The following PDE1C variants were observed in gnomAD, a reference collection of about 807,000 sequenced individuals.
The protein encoded by PDE1C is dual specificity calcium/calmodulin-dependent 3',5'-cyclic nucleotide phosphodiesterase 1C.
Under a neutral mutation model 93.1 loss-of-function variants are expected in PDE1C, and 62 were observed. The ratio of observed to expected loss-of-function variants is 0.67; its 90% CI spans 0.54 to 0.82. The LOEUF is 0.82. Ranked by LOEUF, PDE1C falls within the 40% of genes least tolerant of loss-of-function variation. PDE1C has a pLI of 0.00. For synonymous variants in PDE1C, 325 were observed against 310.1 expected (o/e 1.05, Z -0.50); for missense variants, 742 against 884.6 (o/e 0.84, Z 2.04).
At chr7:31,643,385 G>A in the PDE1C span, 2 of 1,613,976 alleles carry the variant, frequency 1.2e-6, no homozygotes, top group Non-Finnish European at 1.7e-6. Context: ...AAACTGCCTG[G>A]AGATCCTGCC....
chr7:32,306,363 C>T (rs1341682166), intron 1 of PDE1C, among the ~76,000 whole-genome samples: 2 of 152,196 alleles, frequency 1.3e-5, no homozygotes, highest in Admixed American at 6.5e-5. Context: ...TACTGCTCCA[C>T]AACCAAATTG....
chr7:31,648,239 T>C, the PDE1C span, among the ~76,000 whole-genome samples: 1 of 152,146 alleles, frequency 6.6e-6, no homozygotes, highest in Non-Finnish European at 1.5e-5. Context: ...CTCTTACCAT[T>C]GAAGTTAAAG....
intron 1 of PDE1C, among the ~76,000 whole-genome samples, chr7:32,296,095 T>C (rs1812597178): frequency 6.6e-6 from 1 of 152,214 alleles, no homozygotes; most frequent in South Asian, 2.1e-4. Context: ...GATTTCATTT[T>C]GTAAAAACAA....
intron 2 of PDE1C, among the ~76,000 whole-genome samples, chr7:31,909,473 G>A (rs1304315686): frequency 3.9e-5 from 6 of 152,038 alleles, no homozygotes; most frequent in African/African-American, 2.4e-5. Context: ...TGCAATGATC[G>A]GGACGCACAG....
At chr7:31,830,810 A>G (rs1790286644) in intron 11 of PDE1C, among the ~76,000 whole-genome samples, 1 of 152,174 alleles carries the variant, frequency 6.6e-6, no homozygotes, top group Non-Finnish European at 1.5e-5. Flanking sequence ...GGTTTGATGT[A>G]GACAAGCACT....
intron 2 of PDE1C, among the ~76,000 whole-genome samples, chr7:31,980,939 T>A (rs1045071757): frequency 6.6e-6 from 1 of 152,150 alleles, no homozygotes; most frequent in Non-Finnish European, 1.5e-5. Flanking sequence ...ACCCAGATGA[T>A]CCAGGATGAC....
At chr7:31,623,582 T>G in the PDE1C span, among the ~76,000 whole-genome samples, 1 of 150,788 alleles carries the variant, frequency 6.6e-6, no homozygotes, top group African/African-American at 2.4e-5. Flanking sequence ...TCTCAATAAA[T>G]TAGGTATTGA....
At chr7:32,204,868 G>A (rs1317999128) in intron 2 of PDE1C, among the ~76,000 whole-genome samples, 1 of 152,146 alleles carries the variant, frequency 6.6e-6, no homozygotes, top group Admixed American at 6.5e-5. Flanking sequence ...CCTTCCACAT[G>A]CTGTATTGTA....
At chr7:32,177,919 G>A (rs892699082) in intron 2 of PDE1C, among the ~76,000 whole-genome samples, 2 of 152,192 alleles carry the variant, frequency 1.3e-5, no homozygotes, top group African/African-American at 4.8e-5. Context: ...CACAGAGAAG[G>A]TGGGGAGCAT....
intron 2 of PDE1C, among the ~76,000 whole-genome samples, chr7:31,959,631 T>G (rs75817663): frequency 6.6e-6 from 1 of 152,182 alleles, no homozygotes; most frequent in East Asian, 1.9e-4. Flanking sequence ...AATATTCATA[T>G]TGTTTGAGGA....
At chr7:31,887,934 G>GC (rs1212370717) in intron 2 of PDE1C, among the ~76,000 whole-genome samples, 1 of 152,128 alleles carries the variant, frequency 6.6e-6, no homozygotes, top group African/African-American at 2.4e-5. Flanking sequence ...TGCAGCTAAA[G>GC]CAGTGTTTAG....
intron 16 of PDE1C, among the ~76,000 whole-genome samples, chr7:31,791,269 A>C (rs1784565848): frequency 6.6e-6 from 1 of 152,018 alleles, no homozygotes; most frequent in South Asian, 2.1e-4. Flanking sequence ...CTCTAACTTT[A>C]TTATGTTCTT....
Position 32,239,186 on chromosome 7 carries a change from G to A in PDE1C, c.86-29647C>T, listed in dbSNP as rs144481457. On this transcript the variant is annotated intron_variant, in intron 1 of 18. Transcript: ENST00000396193. ...GTTGAGTCTGCAGTGAGTCATGATT[G>A]TGCCACTGCACTCTAATATGGGTGA... 5.9e-3 allele frequency among the ~76,000 whole-genome samples: 895 copies of A among 152,214 alleles called. 5 individuals carry two copies. Among genetic ancestry groups the A allele is most frequent in the Non-Finnish European group, 9.0e-3 (609 of 68,024 alleles).
At chr7:32,186,564 C>T (rs577553800) in intron 2 of PDE1C, among the ~76,000 whole-genome samples, 46 of 152,146 alleles carry the variant, frequency 3.0e-4, no homozygotes, top group Admixed American at 4.6e-4. Flanking sequence ...GTGGTGGTGT[C>T]GCTTAAACTT....
the PDE1C span, among the ~76,000 whole-genome samples, chr7:31,698,128 C>T: frequency 6.6e-6 from 1 of 152,298 alleles, no homozygotes; most frequent in African/African-American, 2.4e-5. Context: ...ATTATAGGAA[C>T]AGAAGAAACA....
intron 2 of PDE1C, among the ~76,000 whole-genome samples, chr7:31,944,823 G>A (rs1158615286): frequency 6.6e-6 from 1 of 152,060 alleles, no homozygotes; most frequent in African/African-American, 2.4e-5. Flanking sequence ...AAACCGTAAT[G>A]ATTAAATAAT....
Position 31,909,377 on chromosome 7 carries a change from C to T in PDE1C, c.129-28517G>A, listed in dbSNP as rs17160682. ...ACATACTTAATAGGTGCTTGACAAA[C>T]GCCTAACAAGTGAATGAATGAGGGA... On this transcript the variant is annotated intron_variant, in intron 2 of 17. Coordinates refer to ENST00000396191, the MANE Select transcript of PDE1C (RefSeq NM_001191057.4). Among the ~76,000 whole-genome samples the T allele has an allele frequency of 4.0e-3, 613 of 152,222 alleles. 14 individuals carry two copies. In the East Asian group the frequency reaches 0.08, roughly 20 times the overall value.
chr7:31,885,864 A>C (rs538098802), intron 2 of PDE1C, among the ~76,000 whole-genome samples: 1 of 152,350 alleles, frequency 6.6e-6, no homozygotes, highest in Admixed American at 6.5e-5. Context: ...TATGCCTTGA[A>C]AACATATACA....
chr7:31,719,144 ATTTC>A, the PDE1C span, among the ~76,000 whole-genome samples: 1 of 152,198 alleles, frequency 6.6e-6, no homozygotes, highest in Non-Finnish European at 1.5e-5. Context: ...CCCTTCCAAT[ATTTC>A]TTTAACAACC....
Sources: gnomAD v4.1 joint callset for allele counts (sites outside exome capture counted in the v4.1 genomes callset) on GRCh38, gnomAD v4.1.1 for gene constraint, MANE v1.5 for transcripts, NCBI Gene and HGNC (gene_info 2026-07-23, HGNC 2026-07-21) for gene names.